MMP16: variants seen among roughly 807,000 people sequenced by gnomAD.
The protein encoded by MMP16 is matrix metalloproteinase-16.
MMP16 carries 12 observed loss-of-function variants against 67.8 expected under a neutral mutation model. That is an observed-to-expected ratio of 0.18 (90% confidence interval 0.11 to 0.29). The LOEUF (loss-of-function observed/expected upper bound fraction) is 0.29, where lower values mean the gene tolerates loss of function less well. MMP16 is among the 10% of genes least tolerant of loss of function. The pLI, the probability that MMP16 is intolerant of heterozygous loss-of-function variation, is 1.00. For missense variants in MMP16, 475 were observed against 765.7 expected, an observed-to-expected ratio of 0.62 and a Z score of 4.48; for synonymous variants, 249 against 255.9, an observed-to-expected ratio of 0.97 and a Z score of 0.26.
chr8:88,287,380 A>G (rs1810848889), intron 1 of MMP16, among the ~76,000 whole-genome samples: 1 of 152,258 alleles, frequency 6.6e-6, no homozygotes, highest in African/African-American at 2.4e-5. Flanking sequence ...TTTGGAAGGC[A>G]AATCAAATGT....
chr8:88,316,078 G>T (rs1367047998), intron 1 of MMP16, among the ~76,000 whole-genome samples: 2 of 152,204 alleles, frequency 1.3e-5, no homozygotes, highest in Non-Finnish European at 2.9e-5. Flanking sequence ...GAGGCTGAGA[G>T]AGGTGAGGAA....
At chr8:88,304,462 CTAAAA>C (rs1811182243) in intron 1 of MMP16, among the ~76,000 whole-genome samples, 1 of 152,090 alleles carries the variant, frequency 6.6e-6, no homozygotes, top group African/African-American at 2.4e-5. Context: ...GTAAGATACT[CTAAAA>C]CAAGATCAAC....
At chr8:88,183,798 C>A (rs1209065173) in intron 3 of MMP16, among the ~76,000 whole-genome samples, 1 of 146,130 alleles carries the variant, frequency 6.8e-6, no homozygotes, top group East Asian at 2.0e-4. Flanking sequence ...TCACTGCAAC[C>A]TCCACCTCCC....
chr8:88,302,789 G>A (rs1453449282), intron 1 of MMP16, among the ~76,000 whole-genome samples: 2 of 152,120 alleles, frequency 1.3e-5, no homozygotes, highest in Admixed American at 6.5e-5. Flanking sequence ...AGCAAGGGAC[G>A]AATTCAGCAC....
rs73287062 is a variant in MMP16 at position 88,147,584 on chromosome 8, C to A, written c.709+20085G>T. On this transcript the variant is annotated intron_variant, in intron 4 of 9. Transcript: ENST00000286614. ...ATACTTTTTTTTCATTTCATCCTAA[C>A]CTTGGAAAGAGTTTTGCTGGGTAAT... Among the ~76,000 whole-genome samples the A allele has an allele frequency of 5.4e-3, 826 of 151,922 alleles. 2 individuals carry two copies. Among genetic ancestry groups the A allele is most frequent in the African/African-American group, 0.019 (771 of 41,380 alleles).
intron 4 of MMP16, among the ~76,000 whole-genome samples, chr8:88,137,983 T>C (rs1224293788): frequency 6.6e-6 from 1 of 152,048 alleles, no homozygotes; most frequent in Non-Finnish European, 1.5e-5. Flanking sequence ...CTTTGCAATA[T>C]ATTTCATTTA....
At chr8:88,132,819 G>A (rs1808054894) in intron 4 of MMP16, among the ~76,000 whole-genome samples, 1 of 151,844 alleles carries the variant, frequency 6.6e-6, no homozygotes, top group Non-Finnish European at 1.5e-5. Context: ...TTGGGGGCTG[G>A]TTACTCCAAC....
At position 88,321,585 on chromosome 8, in the gene MMP16, CAT is replaced by C. The variant is rs372494398; in HGVS notation, c.132+5488_132+5489del. Among the ~76,000 whole-genome samples, 361 of 152,216 alleles carry C rather than the reference CAT, an allele frequency of 2.4e-3. 2 individuals are homozygous for C. The Middle Eastern group carries it at 0.027, about 11-fold the overall frequency. The stretch of plus-strand genomic sequence containing the variant: ...TCCTTTGGAACTACAGATGATAACA[CAT>C]GTTAGATTTAAGTTACACATTCTGT... On this transcript the variant is annotated intron_variant, in intron 1 of 9. Coordinates refer to ENST00000286614, the MANE Select transcript of MMP16 (RefSeq NM_005941.5).
intron 4 of MMP16, among the ~76,000 whole-genome samples, chr8:88,156,765 T>G (rs759494454): frequency 2.0e-5 from 3 of 152,092 alleles, no homozygotes; most frequent in Non-Finnish European, 4.4e-5. Flanking sequence ...ATTTGAAACT[T>G]TGATTTCATT....
At chr8:88,179,158 T>G (rs934942633) in intron 3 of MMP16, among the ~76,000 whole-genome samples, 2 of 151,884 alleles carry the variant, frequency 1.3e-5, no homozygotes, top group African/African-American at 4.8e-5. Context: ...GCATATCATA[T>G]TCAAAGCAGA....
chr8:88,315,904 G>T (rs1586016582), intron 1 of MMP16, among the ~76,000 whole-genome samples: 1 of 152,270 alleles, frequency 6.6e-6, no homozygotes, highest in East Asian at 1.9e-4. Flanking sequence ...GTTTCTGAAA[G>T]AAATTAAAAG....
chr8:88,076,171 T>C (rs1808648123), intron 6 of MMP16, among the ~76,000 whole-genome samples: 19 of 152,134 alleles, frequency 1.2e-4, no homozygotes, highest in Admixed American at 1.2e-3. Flanking sequence ...GACTCTAAGC[T>C]CATATGCAAT....
At chr8:88,282,512 AC>A (rs1243322905) in intron 1 of MMP16, among the ~76,000 whole-genome samples, 2 of 152,230 alleles carry the variant, frequency 1.3e-5, no homozygotes, top group Non-Finnish European at 2.9e-5. Context: ...TGAGTATGCC[AC>A]CTCTTTTGCA....
At chr8:88,135,876 T>C (rs894304770) in intron 4 of MMP16, among the ~76,000 whole-genome samples, 1 of 151,840 alleles carries the variant, frequency 6.6e-6, no homozygotes, top group African/African-American at 2.4e-5. Flanking sequence ...GAAATTTGGG[T>C]TTGGAACTCT....
At chr8:88,188,541 T>C (rs1231684400) in intron 2 of MMP16, among the ~76,000 whole-genome samples, 3 of 152,206 alleles carry the variant, frequency 2.0e-5, no homozygotes, top group Admixed American at 2.0e-4. Context: ...GGGTATAGTC[T>C]CTAAAATTAC....
At chr8:88,156,291 T>C (rs1260620531) in intron 4 of MMP16, among the ~76,000 whole-genome samples, 2 of 152,104 alleles carry the variant, frequency 1.3e-5, no homozygotes, top group African/African-American at 2.4e-5. Context: ...TCAGGACACA[T>C]GCATCTGGTA....
chr8:88,264,230 A>T, intron 1 of MMP16, among the ~76,000 whole-genome samples: 1 of 152,140 alleles, frequency 6.6e-6, no homozygotes, highest in East Asian at 1.9e-4. Context: ...ATGGAATCTC[A>T]CTGTGTTCTC....
In MMP16 at chr8:88,133,401, C is replaced by T. The variant is rs578020537; in HGVS notation, c.710-14540G>A. ...GCCCTCTTTATCATTGTCTTGTCCACTAGGAGTTTTCAATAACCCTCCTCA... is the reference window on the plus strand; with the variant it reads ...GCCCTCTTTATCATTGTCTTGTCCATTAGGAGTTTTCAATAACCCTCCTCA... On this transcript the variant is annotated intron_variant, in intron 4 of 9. Coordinates refer to ENST00000286614, the MANE Select transcript of MMP16 (RefSeq NM_005941.5). Among the ~76,000 whole-genome samples, 12 of 151,964 alleles carry T rather than the reference C, an allele frequency of 7.9e-5. No homozygotes were observed. The East Asian group carries it at 1.9e-3, about 25-fold the overall frequency.
At chr8:88,059,082 G>A (rs576642489) in intron 7 of MMP16, among the ~76,000 whole-genome samples, 14 of 152,252 alleles carry the variant, frequency 9.2e-5, no homozygotes, top group African/African-American at 2.6e-4. Context: ...AGTCTGAGAT[G>A]TCAATGAGAT....
Sources: gnomAD v4.1 joint callset for allele counts (sites outside exome capture counted in the v4.1 genomes callset) on GRCh38, gnomAD v4.1.1 for gene constraint, MANE v1.5 for transcripts, NCBI Gene and HGNC (gene_info 2026-07-23, HGNC 2026-07-21) for gene names.